The following TASOR variants were observed in gnomAD, a reference collection of about 807,000 sequenced individuals.
TASOR encodes the protein transcription activation suppressor, also known as protein TASOR.
Under a neutral mutation model 178.6 loss-of-function variants are expected in TASOR, and 53 were observed. The ratio of observed to expected loss-of-function variants is 0.30; its 90% confidence interval spans 0.24 to 0.37. The LOEUF (loss-of-function observed/expected upper bound fraction) is 0.37. Ranked by LOEUF, TASOR falls within the 10% of genes least tolerant of loss-of-function variation. TASOR has a pLI of 1.00. For synonymous variants in TASOR, 713 were observed against 696.2 expected (o/e 1.02, Z -0.38); for missense variants, 1,815 against 1,971.4 (o/e 0.92, Z 1.50).
intron 1 of TASOR, among the ~76,000 whole-genome samples, chr3:56,676,441 T>A (rs533236084): frequency 7.9e-4 from 121 of 152,334 alleles, no homozygotes; most frequent in Middle Eastern, 3.4e-3. Context: ...AAACATCTTA[T>A]CTTTGTGATA....
chr3:56,633,234 G>A lies in TASOR; in HGVS notation c.3557C>T (p.Pro1186Leu), dbSNP rs749350937. 2 of 1,614,070 alleles carry A rather than the reference G, an allele frequency of 1.2e-6. No individual in the cohort carries two copies. Among genetic ancestry groups the A allele is most frequent in the Non-Finnish European group, 1.7e-6 (2 of 1,180,006 alleles). The change falls in exon 18 of 24, where the codon CCA becomes CTA. Residue 1186 changes from proline to leucine, a missense_variant. Coordinates refer to ENST00000683822, the MANE Select transcript of TASOR (RefSeq NM_001365635.2). The part of the protein sequence containing the change: ...HIVPGDMARE[P>L]VEETTKSPSD... The stretch of plus-strand genomic sequence containing the variant: ...GGGGGATTTTGTTGTTTCTTCTACT[G>A]GTTCCCGGGCCATATCACCAGGTAC...
At chr3:56,664,461 C>T (rs998864712) in intron 7 of TASOR, 6 of 152,230 alleles carry the variant, frequency 3.9e-5, no homozygotes, top group Admixed American at 3.3e-4. Context: ...AAAGCCACAA[C>T]TGTCTGGATA....
chr3:56,649,000 T>C lies in TASOR; in HGVS notation c.1426A>G (p.Met476Val), dbSNP rs2077294126. The change falls in exon 12 of 24, where the codon ATG becomes GTG. Residue 476 changes from methionine (M) to valine (V), a missense_variant. Met to Val is a conservative substitution (Grantham distance 21). Coordinates refer to ENST00000683822, the MANE Select transcript of TASOR (RefSeq NM_001365635.2). ...GYLFLLSPYQMVPPYEYQTAK... is the reference protein window; with the variant it reads ...GYLFLLSPYQVVPPYEYQTAK... The stretch of plus-strand genomic sequence containing the variant: ...GACCACCTACCATATGGAGGAACCA[T>C]CTGATAAGGGGAGAGAAGAAAAAGG... 6.2e-6 allele frequency: 10 copies of C among 1,608,030 alleles called. No homozygotes were observed. The highest frequency in any genetic ancestry group is 2.2e-5 in the South Asian group (2 of 89,030).
At chr3:56,667,498 A>T (rs2030166774) in intron 6 of TASOR, among the ~76,000 whole-genome samples, 2 of 151,944 alleles carry the variant, frequency 1.3e-5, no homozygotes, top group Non-Finnish European at 2.9e-5. Flanking sequence ...ACTAAAAAAA[A>T]TACAAAAAAT....
chr3:56,672,842 C>G (rs1176107760), intron 2 of TASOR, among the ~76,000 whole-genome samples: 3 of 152,194 alleles, frequency 2.0e-5, no homozygotes, highest in Non-Finnish European at 4.4e-5. Flanking sequence ...ACTTATTTAT[C>G]TGAGACAGAG....
intron 11 of TASOR, among the ~76,000 whole-genome samples, chr3:56,653,553 G>A (rs1222047908): frequency 1.3e-5 from 2 of 151,680 alleles, no homozygotes; most frequent in Non-Finnish European, 2.9e-5. Flanking sequence ...GAAGCCATAA[G>A]ACACTGCAGC....
chr3:56,657,322 GTC>G (rs2077493923), intron 11 of TASOR, among the ~76,000 whole-genome samples: 12 of 139,240 alleles, frequency 8.6e-5, no homozygotes, highest in Admixed American at 7.5e-4. Flanking sequence ...GCAAGGCTCT[GTC>G]TCGAAAAAAA....
At chr3:56,644,567 G>A (rs139983749) in intron 14 of TASOR, among the ~76,000 whole-genome samples, 34 of 152,344 alleles carry the variant, frequency 2.2e-4, no homozygotes, top group African/African-American at 7.5e-4. Flanking sequence ...TGAGAGAACA[G>A]TGGGAAACAT....
chr3:56,659,178 G>A (rs373553477), intron 11 of TASOR, among the ~76,000 whole-genome samples: 5 of 152,224 alleles, frequency 3.3e-5, no homozygotes, highest in Admixed American at 6.5e-5. Context: ...GAAGTTGCAC[G>A]TTCTGAAACT....
chr3:56,637,740 CACTTT>C (rs1443875844), intron 17 of TASOR, among the ~76,000 whole-genome samples: 1 of 151,752 alleles, frequency 6.6e-6, no homozygotes, highest in Non-Finnish European at 1.5e-5. Flanking sequence ...AAAAAAACAA[CACTTT>C]AATTTCTGAA....
chr3:56,677,711 G>C (rs1015240982), intron 1 of TASOR, among the ~76,000 whole-genome samples: 2 of 152,134 alleles, frequency 1.3e-5, no homozygotes, highest in South Asian at 4.1e-4. Flanking sequence ...CTTAGACACA[G>C]GAAGTTAATA....
intron 17 of TASOR, among the ~76,000 whole-genome samples, chr3:56,637,013 G>C (rs2077030953): frequency 6.6e-6 from 1 of 152,028 alleles, no homozygotes; most frequent in Non-Finnish European, 1.5e-5. Flanking sequence ...AATCAGAAAA[G>C]AATTACTGAT....
intron 1 of TASOR, among the ~76,000 whole-genome samples, chr3:56,678,654 AT>A (rs1387245009): frequency 2.6e-5 from 4 of 152,234 alleles, no homozygotes; most frequent in East Asian, 1.9e-4. Flanking sequence ...ATCACAAAAA[AT>A]ATTATCATAT....
intron 19 of TASOR, 21 bp downstream of exon 19, chr3:56,628,471 G>A (rs1295941613): frequency 3.1e-6 from 5 of 1,588,220 alleles, no homozygotes; most frequent in Non-Finnish European, 3.4e-6. Flanking sequence ...CCAAAGTAGT[G>A]AATTTGACTT....
intron 7 of TASOR, chr3:56,664,006 C>T (rs1241992716): frequency 7.6e-6 from 2 of 264,534 alleles, no homozygotes; most frequent in African/African-American, 4.7e-5. Flanking sequence ...AAGTTCCAAC[C>T]TACATAAATC....
intron 11 of TASOR, 35 bp from the exon 12 acceptor site, chr3:56,649,092 CTTTA>C: frequency 1.3e-6 from 2 of 1,498,416 alleles, no homozygotes; most frequent in Non-Finnish European, 1.8e-6. Context: ...GTTGTATCTG[CTTTA>C]TTATTATTCA....
chr3:56,682,763 C>T lies in TASOR; in HGVS notation c.244G>A (p.Ala82Thr). Residue 82 changes from alanine (A) to threonine (T), a missense_variant, in exon 1 of 24, where the codon GCG (alanine) becomes ACG (threonine). By Grantham distance (58) the Ala-to-Thr change is moderately conservative. This residue lies in a region of TASOR where 244 missense variants were observed against 202.7 expected (regional missense o/e 1.20). Coordinates refer to ENST00000683822, the MANE Select transcript of TASOR (RefSeq NM_001365635.2). ...TCGGGGCCTCTGGGCAGGGCGGCCGCGCCCGCCTCAGAGGAGTCCTGAGGC... is the reference window on the plus strand; with the variant it reads ...TCGGGGCCTCTGGGCAGGGCGGCCGTGCCCGCCTCAGAGGAGTCCTGAGGC... Reference protein sequence around the residue: ...EQPQDSSEAGAAALPRGPEEP... With the variant: ...EQPQDSSEAGTAALPRGPEEP... 6.5e-7 allele frequency: 1 copy of T among 1,540,178 alleles called. No homozygotes were observed. The highest frequency in any genetic ancestry group is 8.8e-7 in the Non-Finnish European group (1 of 1,140,838).
At chr3:56,664,330 T>C (rs549240247) in intron 7 of TASOR, 1 of 152,356 alleles carries the variant, frequency 6.6e-6, no homozygotes, top group East Asian at 1.9e-4. Context: ...TTAACAGTCA[T>C]TATTCCTGGG....
intron 7 of TASOR, among the ~76,000 whole-genome samples, chr3:56,665,062 C>G (rs539437800): frequency 1.7e-4 from 26 of 152,214 alleles, no homozygotes; most frequent in African/African-American, 5.3e-4. Flanking sequence ...GTCCCAGCTA[C>G]TTGGGAGGAT....
Sources: gnomAD v4.1 joint callset for allele counts (sites outside exome capture counted in the v4.1 genomes callset) on GRCh38, gnomAD v4.1.1 for gene constraint, gnomAD v4.1.1 regional missense constraint, MANE v1.5 for transcripts, NCBI Gene and HGNC (gene_info 2026-07-23, HGNC 2026-07-21) for gene names.